LINGO2: variants seen among roughly 807,000 people sequenced by gnomAD.
LINGO2 encodes leucine-rich repeat and immunoglobulin-like domain-containing nogo receptor-interacting protein 2.
LINGO2 carries 14 observed loss-of-function variants against 30.6 expected under a neutral mutation model. The observed-to-expected ratio is 0.46, with a 90% confidence interval of 0.30 to 0.72. The LOEUF (loss-of-function observed/expected upper bound fraction) is 0.72, where lower values mean the gene tolerates loss of function less well. Among genes scored for constraint, LINGO2 ranks in the 30% least tolerant of loss-of-function variants. The probability of loss-of-function intolerance (pLI) is 0.07; values close to 1 mark genes in which losing one functional copy is unlikely to be tolerated. For synonymous variants in LINGO2, 317 were observed against 288.5 expected, an observed-to-expected ratio of 1.10 and a Z score of -1.00; for missense variants, 729 against 751.7, an observed-to-expected ratio of 0.97 and a Z score of 0.35.
At chr9:28,342,130 C>G (rs1410158687) in intron 3 of LINGO2, among the ~76,000 whole-genome samples, 1 of 152,114 alleles carries the variant, frequency 6.6e-6, no homozygotes, top group African/African-American at 2.4e-5. Flanking sequence ...ATAAAAAATA[C>G]TTTCCTTTTC....
At chr9:28,569,426 T>TAA (rs1301680625) in intron 1 of LINGO2, among the ~76,000 whole-genome samples, 1 of 150,720 alleles carries the variant, frequency 6.6e-6, no homozygotes, top group Non-Finnish European at 1.5e-5. Flanking sequence ...GAAAAGGTGA[T>TAA]ATATATATGA....
At chr9:27,984,547 T>G (rs1821034813) in intron 5 of LINGO2, among the ~76,000 whole-genome samples, 1 of 151,842 alleles carries the variant, frequency 6.6e-6, no homozygotes, top group African/African-American at 2.4e-5. Flanking sequence ...CTCTGGATTG[T>G]GGTCTGAGGG....
chr9:28,111,803 G>C (rs760386035), intron 4 of LINGO2, among the ~76,000 whole-genome samples: 1 of 152,090 alleles, frequency 6.6e-6, no homozygotes, highest in African/African-American at 2.4e-5. Flanking sequence ...AGGGCTTTTA[G>C]AGTCACACAG....
chr9:29,200,990 A>G, the LINGO2 span, among the ~76,000 whole-genome samples: 2 of 151,962 alleles, frequency 1.3e-5, no homozygotes, highest in African/African-American at 4.8e-5. Context: ...TTCTCACTAT[A>G]TCAAGGGTAC....
the LINGO2 span, among the ~76,000 whole-genome samples, chr9:28,713,036 T>C: frequency 6.6e-5 from 10 of 151,982 alleles, no homozygotes; most frequent in Non-Finnish European, 1.3e-4. Flanking sequence ...CGGCTGATTT[T>C]TGTATTTTTA....
At chr9:28,845,758 A>T in the LINGO2 span, among the ~76,000 whole-genome samples, 1 of 151,528 alleles carries the variant, frequency 6.6e-6, no homozygotes, top group Admixed American at 6.6e-5. Context: ...ATTTCTCTTA[A>T]TTCTTTAAAA....
chr9:28,345,143 G>C (rs1007978072), intron 3 of LINGO2, among the ~76,000 whole-genome samples: 6 of 151,982 alleles, frequency 3.9e-5, no homozygotes, highest in Admixed American at 3.3e-4. Flanking sequence ...TAGGGAATGA[G>C]GGTGGCTTCC....
chr9:28,382,812 T>C (rs1213718865), intron 2 of LINGO2, among the ~76,000 whole-genome samples: 2 of 152,108 alleles, frequency 1.3e-5, no homozygotes, highest in African/African-American at 2.4e-5. Flanking sequence ...ATGGGGATAG[T>C]AATAAATAGT....
chr9:28,569,935 A>G (rs548869726), intron 1 of LINGO2, among the ~76,000 whole-genome samples: 1 of 152,070 alleles, frequency 6.6e-6, no homozygotes, highest in Non-Finnish European at 1.5e-5. Context: ...CAAAAAATAA[A>G]GCTGGAAAAA....
At chr9:28,295,032 G>T (rs1823872739) in intron 4 of LINGO2, among the ~76,000 whole-genome samples, 176 bp downstream of exon 6, 1 of 152,078 alleles carries the variant, frequency 6.6e-6, no homozygotes, top group South Asian at 2.1e-4. Context: ...AGAGTAAAGG[G>T]ACTCAATTAT....
intron 3 of LINGO2, among the ~76,000 whole-genome samples, chr9:28,344,838 C>T (rs995279297): frequency 7.2e-5 from 11 of 152,096 alleles, no homozygotes; most frequent in African/African-American, 2.4e-4. Flanking sequence ...TATAGCACCC[C>T]TAGCTTAGCA....
the LINGO2 span, among the ~76,000 whole-genome samples, chr9:29,130,226 C>G: frequency 6.6e-6 from 1 of 152,160 alleles, no homozygotes; most frequent in Non-Finnish European, 1.5e-5. Flanking sequence ...GACACTTTTA[C>G]TGGTTAAGCT....
intron 4 of LINGO2, among the ~76,000 whole-genome samples, chr9:28,275,731 G>GT (rs1823093700): frequency 6.6e-6 from 1 of 152,172 alleles, no homozygotes; most frequent in Non-Finnish European, 1.5e-5. Flanking sequence ...ACCAGGTAAT[G>GT]TGAATATCAT....
At chr9:28,155,732 G>A (rs72726905) in intron 4 of LINGO2, among the ~76,000 whole-genome samples, 13,156 of 152,242 alleles carry the variant, frequency 0.086, 665 homozygotes, top group Middle Eastern at 0.15. Context: ...CTCTGGAGGT[G>A]ACGGTATTAG....
intron 1 of LINGO2, among the ~76,000 whole-genome samples, chr9:28,563,375 T>C (rs1442728483): frequency 6.6e-6 from 1 of 152,140 alleles, no homozygotes; most frequent in African/African-American, 2.4e-5. Flanking sequence ...TCAGGGTTTC[T>C]GTACTTAGTG....
the LINGO2 span, among the ~76,000 whole-genome samples, chr9:29,100,792 T>C: frequency 6.6e-6 from 1 of 152,136 alleles, no homozygotes; most frequent in African/African-American, 2.4e-5. Flanking sequence ...ATGTGATTAT[T>C]ATGTATTGCG....
chr9:28,725,846 C>T, the LINGO2 span, among the ~76,000 whole-genome samples: 4 of 151,592 alleles, frequency 2.6e-5, no homozygotes, highest in South Asian at 2.1e-4. Flanking sequence ...ACAAAATGTG[C>T]GTGTATGTGT....
intron 1 of LINGO2, among the ~76,000 whole-genome samples, chr9:28,552,506 T>C (rs535717019): frequency 6.6e-6 from 1 of 152,170 alleles, no homozygotes; most frequent in South Asian, 2.1e-4. Flanking sequence ...ATTTCCTTTC[T>C]TTGTATCCAG....
chr9:28,487,705 C>T (rs1026085281), intron 1 of LINGO2, among the ~76,000 whole-genome samples: 5 of 152,100 alleles, frequency 3.3e-5, no homozygotes, highest in Non-Finnish European at 7.4e-5. Context: ...ACTGTGACAC[C>T]TTAGGCCTGA....
Sources: gnomAD v4.1 joint callset for allele counts (sites outside exome capture counted in the v4.1 genomes callset) on GRCh38, gnomAD v4.1.1 for gene constraint, MANE v1.5 for transcripts, NCBI Gene and HGNC (gene_info 2026-07-23, HGNC 2026-07-21) for gene names.